The following REEP3 variants were observed in gnomAD, a reference collection of about 807,000 sequenced individuals.
The protein encoded by REEP3 is receptor expression-enhancing protein 3.
In REEP3, 20 loss-of-function variants were observed where a neutral mutation model predicts 41.3. The observed-to-expected ratio is 0.48, with a 90% CI of 0.34 to 0.70. REEP3 has a LOEUF of 0.70. Among genes scored for constraint, REEP3 ranks in the 30% least tolerant of loss-of-function variants. The pLI is 0.01. For synonymous variants in REEP3, 104 were observed against 101.8 expected (o/e 1.02, Z -0.13); for missense variants, 271 against 308.8 (o/e 0.88, Z 0.92).
intron 1 of REEP3, among the ~76,000 whole-genome samples, chr10:63,528,036 T>C (rs567593085): frequency 1.3e-5 from 2 of 152,230 alleles, no homozygotes; most frequent in South Asian, 4.1e-4. Context: ...CCTTGACTTC[T>C]TAAAGTTGTT....
intron 1 of REEP3, among the ~76,000 whole-genome samples, chr10:63,526,408 A>G (rs1165126552): frequency 2.6e-5 from 4 of 152,096 alleles, no homozygotes; most frequent in Non-Finnish European, 4.4e-5. Context: ...TTTGAAGTAC[A>G]TACTTCTTTG....
intron 1 of REEP3, among the ~76,000 whole-genome samples, chr10:63,557,822 T>A (rs574083872): frequency 1.3e-5 from 2 of 152,298 alleles, no homozygotes; most frequent in South Asian, 4.1e-4. Flanking sequence ...CAAATATAAA[T>A]ATGCCAGTTC....
At chr10:63,608,359 G>A (rs1956247534) in intron 5 of REEP3, among the ~76,000 whole-genome samples, 1 of 152,142 alleles carries the variant, frequency 6.6e-6, no homozygotes, top group Non-Finnish European at 1.5e-5. Context: ...CAGCTCAAGT[G>A]GGATATGGAA....
chr10:63,582,678 G>T lies in REEP3; in HGVS notation c.106-12100G>T, dbSNP rs1456440605. On this transcript the variant is annotated intron_variant, in intron 2 of 7. Coordinates refer to ENST00000373758, the MANE Select transcript of REEP3 (RefSeq NM_001001330.3). ...CTTCCTCCTAGTTTCCATTTTTTGT[G>T]GCTGGCTCTAGACCAAATGTCTCCG... is the stretch of plus-strand genomic sequence containing the variant. Among the ~76,000 whole-genome samples, 4 of 152,174 alleles carry T rather than the reference G, an allele frequency of 2.6e-5. No homozygotes were observed. The South Asian group carries it at 8.3e-4, about 32-fold the overall frequency.
chr10:63,562,089 G>A (rs531287391), intron 1 of REEP3, among the ~76,000 whole-genome samples: 1 of 152,186 alleles, frequency 6.6e-6, no homozygotes, highest in Non-Finnish European at 1.5e-5. Context: ...TTCCTTAGAT[G>A]TCTCTAAACT....
chr10:63,537,139 G>T (rs918023110), intron 1 of REEP3, among the ~76,000 whole-genome samples: 4 of 152,198 alleles, frequency 2.6e-5, no homozygotes, highest in African/African-American at 9.6e-5. Flanking sequence ...GTAAACATTG[G>T]TTTATGTACA....
intron 5 of REEP3, among the ~76,000 whole-genome samples, chr10:63,601,026 C>T (rs1392341645): frequency 3.3e-5 from 5 of 151,670 alleles, no homozygotes; most frequent in Admixed American, 1.3e-4. Flanking sequence ...GGTGGGGGGG[C>T]GCCTGTAATC....
chr10:63,551,108 G>C (rs1445770739), intron 1 of REEP3, among the ~76,000 whole-genome samples: 2 of 152,116 alleles, frequency 1.3e-5, no homozygotes, highest in Non-Finnish European at 2.9e-5. Context: ...AGGAATAAAG[G>C]CTCCTTAGAG....
At position 63,564,194 on chromosome 10, in the gene REEP3, T is replaced by C. The variant is rs1383247792; in HGVS notation, c.33-2144T>C. The stretch of plus-strand genomic sequence containing the variant: ...TAGTATATGGGAACTATCTGTACTA[T>C]CTTTCCAACTTTTCTGTAAAATATT... On this transcript the variant is annotated intron_variant, in intron 1 of 7. Transcript: ENST00000373758. 2.0e-5 allele frequency among the ~76,000 whole-genome samples: 3 copies of C among 152,350 alleles called. No individual in the cohort carries two copies. In the East Asian group the frequency reaches 5.8e-4, roughly 29 times the overall value.
At chr10:63,603,229 T>C (rs568828578) in intron 5 of REEP3, among the ~76,000 whole-genome samples, 49 of 143,132 alleles carry the variant, frequency 3.4e-4, no homozygotes, top group Middle Eastern at 3.8e-3. Flanking sequence ...AGGAGAATGG[T>C]GTGAACCCAG....
Position 63,619,713 on chromosome 10 carries a change from A to G in REEP3, c.624A>G (p.Pro208=), listed in dbSNP as rs1173782282. The G allele has an allele frequency of 4.4e-6, 7 of 1,607,148 alleles. No homozygotes were observed. The South Asian group carries it at 4.5e-5, about 10-fold the overall frequency. ...DEKTDEEAEG[P]YSDNEMLTHK... ...AAACAGATGAAGAAGCAGAGGGGCC[A>G]TATTCAGATAATGAGATGTTAACAC... Residue 208 remains proline, a synonymous_variant, in exon 7 of 8, where the codon CCA becomes CCG. Transcript: ENST00000373758.
At position 63,580,154 on chromosome 10, in the gene REEP3, G is replaced by C. The variant is rs528556610; in HGVS notation, c.105+13744G>C. ...GTTGTTGTTGTTGTTGTTTTGAGGT[G>C]GGGGGGTGGTATTGCTCTGTCGCCC... is the stretch of plus-strand genomic sequence containing the variant. On this transcript the variant is annotated intron_variant, in intron 2 of 7. Transcript: ENST00000373758. 2.6e-4 allele frequency among the ~76,000 whole-genome samples: 39 copies of C among 151,006 alleles called. No individual in the cohort carries two copies. The South Asian group carries it at 8.1e-3, about 31-fold the overall frequency.
intron 5 of REEP3, among the ~76,000 whole-genome samples, chr10:63,602,745 A>G (rs1956184043): frequency 6.6e-6 from 1 of 152,012 alleles, no homozygotes; most frequent in South Asian, 2.1e-4. Flanking sequence ...AGCAGTCCCC[A>G]CTCTATTATC....
intron 1 of REEP3, among the ~76,000 whole-genome samples, chr10:63,544,874 C>T (rs924440035): frequency 2.6e-5 from 4 of 152,220 alleles, no homozygotes; most frequent in Non-Finnish European, 4.4e-5. Context: ...CAATTCTCCC[C>T]GTATGTATAT....
At chr10:63,537,336 A>G (rs531749715) in intron 1 of REEP3, among the ~76,000 whole-genome samples, 2 of 152,228 alleles carry the variant, frequency 1.3e-5, no homozygotes, top group Non-Finnish European at 2.9e-5. Flanking sequence ...TAATGTATAC[A>G]TACACACATA....
At chr10:63,580,773 C>G (rs183630437) in intron 2 of REEP3, among the ~76,000 whole-genome samples, 3 of 152,298 alleles carry the variant, frequency 2.0e-5, no homozygotes, top group Admixed American at 2.0e-4. Context: ...AATCCCAGCA[C>G]TTTGGGAGGC....
intron 1 of REEP3, among the ~76,000 whole-genome samples, chr10:63,535,631 G>A (rs1955466966): frequency 6.6e-6 from 1 of 152,152 alleles, no homozygotes; most frequent in African/African-American, 2.4e-5. Flanking sequence ...TAGTATTGTT[G>A]CTGTGATTGA....
At chr10:63,578,861 A>T (rs1955921364) in intron 2 of REEP3, among the ~76,000 whole-genome samples, 1 of 152,214 alleles carries the variant, frequency 6.6e-6, no homozygotes, top group Non-Finnish European at 1.5e-5. Flanking sequence ...TGTAGCTGAC[A>T]TACACTGAAT....
chr10:63,521,958 A>C (rs1564987561), intron 1 of REEP3: 1 of 150,934 alleles, frequency 6.6e-6, no homozygotes, highest in Non-Finnish European at 1.5e-5. Flanking sequence ...CGGGCCCGGG[A>C]GCGGCGCGCC....
Sources: allele counts gnomAD v4.1 joint callset (sites outside exome capture counted in the v4.1 genomes callset), GRCh38; gene constraint gnomAD v4.1.1; transcripts MANE v1.5; gene names NCBI Gene and HGNC (gene_info 2026-07-23, HGNC 2026-07-21).